Variants in SORL1 observed in about 807,000 individuals in gnomAD.
The protein encoded by SORL1 is sortilin related receptor 1.
A neutral mutation model predicts 273.7 loss-of-function variants in SORL1; 127 were observed. The observed-to-expected ratio is 0.46, with a 90% CI of 0.40 to 0.54. The LOEUF (loss-of-function observed/expected upper bound fraction) is 0.54, where lower values mean the gene tolerates loss of function less well. SORL1 is among the 20% of genes least tolerant of loss of function. SORL1 has a pLI of 0.00. For synonymous variants in SORL1, 1,031 were observed against 1,067.4 expected, an observed-to-expected ratio of 0.97 and a Z score of 0.66; for missense variants, 2,494 against 2,846.1, an observed-to-expected ratio of 0.88 and a Z score of 2.81.
rs770645727 is a variant in SORL1, at chr11:121,627,677, C to T, written c.6487C>T (p.Arg2163Trp). The change falls in exon 47 of 48, where the codon CGG (arginine) becomes TGG (tryptophan). Residue 2163 changes from arginine to tryptophan, a missense_variant. Arg to Trp is a moderately radical substitution (Grantham distance 101). Around this residue, in one of 3 missense-constraint regions of SORL1, gnomAD observed 1,609 missense variants for 1,816.4 expected, o/e 0.89. Coordinates refer to ENST00000260197, the MANE Select transcript of SORL1 (RefSeq NM_003105.6). The surrounding 1 kb of genome is among the most constrained non-coding windows in gnomAD (Gnocchi z 4.9). ...GTTTGCCATCCTGTACACGAAGCAC[C>T]GGAGGCTGCAGAGCAGCTTCACCGC... is the stretch of plus-strand genomic sequence containing the variant. ...VGFAILYTKH[R>W]RLQSSFTAFA... The T allele has an allele frequency of 9.3e-6, 15 of 1,613,988 alleles. No individual in the cohort carries two copies. Among genetic ancestry groups the T allele is most frequent in the South Asian group, 3.3e-5 (3 of 91,078 alleles).
intron 9 of SORL1, 70 bp downstream of exon 9, chr11:121,520,919 A>G (rs925989668): frequency 8.6e-6 from 9 of 1,047,868 alleles, no homozygotes; most frequent in African/African-American, 6.5e-5. Flanking sequence ...GTAGTTTCCT[A>G]TGTCTAGTAT....
intron 32 of SORL1, among the ~76,000 whole-genome samples, chr11:121,602,585 A>C (rs937783543): frequency 5.3e-5 from 8 of 151,980 alleles, no homozygotes; most frequent in Admixed American, 2.6e-4. Context: ...CTATATCTCA[A>C]AGTGTGGTTG....
intron 35 of SORL1, among the ~76,000 whole-genome samples, chr11:121,606,577 C>A (rs1189550798): frequency 6.6e-6 from 1 of 152,132 alleles, no homozygotes; most frequent in Non-Finnish European, 1.5e-5. Context: ...TCAGCCTGCC[C>A]AAGTGATTCT....
chr11:121,472,407 G>A (rs534149258), intron 2 of SORL1, among the ~76,000 whole-genome samples: 5 of 152,360 alleles, frequency 3.3e-5, no homozygotes, highest in African/African-American at 9.6e-5. Flanking sequence ...GCCAAGAGGT[G>A]TAAAGAGACT....
At position 121,576,929 on chromosome 11, in the gene SORL1, C is replaced by T. The variant is rs1165253380; in HGVS notation, c.3461-352C>T. On this transcript the variant is annotated intron_variant, in intron 24 of 47. Transcript: ENST00000260197. ...CTCTGTTTCTTGAAAGTTCTACTTC[C>T]TGGCCTCCTCTATCACTGCTTCCTA... The T allele has an allele frequency of 3.3e-6, 5 of 1,535,374 alleles. No homozygotes were observed. In the East Asian group the frequency reaches 9.8e-5, roughly 30 times the overall value.
chr11:121,504,177 G>A (rs1410212952), intron 6 of SORL1, among the ~76,000 whole-genome samples: 1 of 152,166 alleles, frequency 6.6e-6, no homozygotes, highest in Non-Finnish European at 1.5e-5. Context: ...ACTTTGGGAG[G>A]CTGAGGTGGG....
At chr11:121,461,345 T>A (rs1860998006) in intron 1 of SORL1, among the ~76,000 whole-genome samples, 1 of 152,022 alleles carries the variant, frequency 6.6e-6, no homozygotes, top group African/African-American at 2.4e-5. Flanking sequence ...TGTGGAAAGT[T>A]GGTTAGAGGT....
rs1028610509 is a variant in SORL1, at chr11:121,563,736, T to A, written c.3050-3204T>A. ...AAATGGTATAACTGGAATTTATTCT[T>A]TGTAAAGTGTGTTTTTTCTTTAAAG... On this transcript the variant is annotated intron_variant, in intron 21 of 47. Transcript: ENST00000260197. The surrounding 1 kb of genome is among the most constrained non-coding windows in gnomAD (Gnocchi z 4.2). Among the ~76,000 whole-genome samples the A allele has an allele frequency of 3.3e-5, 5 of 152,358 alleles. No individual in the cohort carries two copies. The highest frequency in any genetic ancestry group is 2.6e-4 in the Admixed American group (4 of 15,310).
intron 12 of SORL1, among the ~76,000 whole-genome samples, chr11:121,541,343 C>T (rs1372023080): frequency 6.6e-6 from 1 of 151,964 alleles, no homozygotes; most frequent in African/African-American, 2.4e-5. Context: ...TAGCTGGGAC[C>T]ACAGGGGGCA....
At chr11:121,484,242 G>A (rs1300539685) in intron 3 of SORL1, among the ~76,000 whole-genome samples, 1 of 152,146 alleles carries the variant, frequency 6.6e-6, no homozygotes, top group East Asian at 1.9e-4. Flanking sequence ...GAAAGATTAG[G>A]GAAGAGTCTA....
intron 23 of SORL1, among the ~76,000 whole-genome samples, chr11:121,572,656 A>C (rs1862860877): frequency 1.3e-5 from 2 of 152,140 alleles, no homozygotes; most frequent in Admixed American, 6.5e-5. Flanking sequence ...GAGTACTGCC[A>C]TGTGGGGAGT....
chr11:121,457,149 C>T (rs1860919191), intron 1 of SORL1, among the ~76,000 whole-genome samples: 1 of 152,084 alleles, frequency 6.6e-6, no homozygotes. Flanking sequence ...AGTCTCTGGC[C>T]GCTTTTAGTT....
chr11:121,561,217 C>G (rs952109649), intron 21 of SORL1, among the ~76,000 whole-genome samples: 5 of 152,220 alleles, frequency 3.3e-5, no homozygotes, highest in Admixed American at 2.0e-4. Flanking sequence ...TTCTGAAACA[C>G]TGTGTGCAGA....
chr11:121,596,649 AGCCAGTCACACTCCCTTCCTT>A lies in SORL1; in HGVS notation c.4519+883_4519+903del, dbSNP rs1863300415. Reference sequence around the variant, plus strand: ...GCTGGCTGCAGACAGCAGACGTCCTAGCCAGTCACACTCCCTTCCTTGCCAGGATAAGGGCTTCGTCCGTGC... The same window carrying A: ...GCTGGCTGCAGACAGCAGACGTCCTAGCCAGGATAAGGGCTTCGTCCGTGC... On this transcript the variant is annotated intron_variant, in intron 32 of 47. Transcript: ENST00000260197. The surrounding 1 kb of genome is among the most constrained non-coding windows in gnomAD (Gnocchi z 4.3). Among the ~76,000 whole-genome samples, 2 of 152,020 alleles carry A rather than the reference AGCCAGTCACACTCCCTTCCTT, an allele frequency of 1.3e-5. No individual in the cohort carries two copies. The highest frequency in any genetic ancestry group is 2.9e-5 in the Non-Finnish European group (2 of 67,986).
At chr11:121,589,711 A>G (rs995550243) in intron 29 of SORL1, among the ~76,000 whole-genome samples, 2 of 152,252 alleles carry the variant, frequency 1.3e-5, no homozygotes, top group Non-Finnish European at 2.9e-5. Flanking sequence ...ACAGGCCACA[A>G]TGTAATAGTT....
At chr11:121,464,249 C>G (rs1390139910) in intron 1 of SORL1, among the ~76,000 whole-genome samples, 1 of 151,954 alleles carries the variant, frequency 6.6e-6, no homozygotes, top group Non-Finnish European at 1.5e-5. Flanking sequence ...AGAGAGGGTA[C>G]CTGTGACCCA....
At chr11:121,555,150 C>T (rs1215473473) in intron 17 of SORL1, 37 bp from the exon 18 acceptor site, 1 of 1,590,646 alleles carries the variant, frequency 6.3e-7, no homozygotes, top group Non-Finnish European at 8.6e-7. Context: ...GTCGTTTGAA[C>T]AGTTCCTAGC....
rs1318377869 is a variant in SORL1, at chr11:121,513,237, G to GT, written c.1041+134dup. 2.8e-5 allele frequency: 20 copies of GT among 705,196 alleles called. No homozygotes were observed. In the African/African-American group the frequency reaches 3.0e-4, roughly 10 times the overall value. 43.7% of individuals were successfully genotyped at this position (705,196 alleles called of 1,614,324 possible). A position where few individuals can be genotyped will look rare whatever the true frequency, so the allele number is the denominator to read the frequency against. ...CTCCCTGAAGTCAGGTCTCTAGAGA[G>GT]TGCAGCTATGCTTTGGGCATCGTGG... On this transcript the variant is annotated intron_variant, in intron 7 of 47. Coordinates refer to ENST00000260197, the MANE Select transcript of SORL1 (RefSeq NM_003105.6).
At chr11:121,504,139 C>T (rs540462753) in intron 6 of SORL1, among the ~76,000 whole-genome samples, 58 of 152,248 alleles carry the variant, frequency 3.8e-4, no homozygotes, top group Middle Eastern at 3.4e-3. Flanking sequence ...CCTGGCTGGG[C>T]GCGGTGGCTC....
Sources: gnomAD v4.1 joint callset for allele counts (sites outside exome capture counted in the v4.1 genomes callset) on GRCh38, gnomAD v4.1.1 for gene constraint, gnomAD v4.1.1 regional missense constraint, Gnocchi (gnomAD v3.1) non-coding constraint, MANE v1.5 for transcripts, NCBI Gene and HGNC (gene_info 2026-07-23, HGNC 2026-07-21) for gene names.